The following RANBP2 variants were observed in gnomAD, a reference collection of about 807,000 sequenced individuals.
RANBP2 encodes the protein E3 SUMO-protein ligase RanBP2.
Under a neutral mutation model 303.6 loss-of-function variants are expected in RANBP2, and 57 were observed. The observed-to-expected ratio is 0.19, with a 90% CI of 0.15 to 0.23. RANBP2 has a LOEUF of 0.23. Ranked by LOEUF, RANBP2 falls within the 10% of genes least tolerant of loss-of-function variation. The probability of loss-of-function intolerance (pLI) is 1.00; values close to 1 mark genes in which losing one functional copy is unlikely to be tolerated. For synonymous variants in RANBP2, 1,167 were observed against 1,301.5 expected (o/e 0.90, Z 2.23); for missense variants, 3,138 against 3,780.8 (o/e 0.83, Z 4.46).
the RANBP2 span, among the ~76,000 whole-genome samples, chr2:109,089,106 C>T: frequency 3.3e-5 from 5 of 152,092 alleles, no homozygotes; most frequent in African/African-American, 9.7e-5. Flanking sequence ...GAACAGGAAG[C>T]CCCACAGGAG....
the RANBP2 span, chr2:109,436,780 G>A: frequency 6.9e-7 from 1 of 1,452,362 alleles, no homozygotes; most frequent in East Asian, 2.5e-5. Flanking sequence ...CCCCAGATCA[G>A]TTGGCCTTCA....
chr2:108,910,905 GA>G, the RANBP2 span: 1 of 1,613,968 alleles, frequency 6.2e-7, no homozygotes, highest in South Asian at 1.1e-5. Flanking sequence ...GGAGTTGACG[GA>G]GAGTCCAGGA....
At chr2:108,915,823 G>C in the RANBP2 span, among the ~76,000 whole-genome samples, 1 of 152,108 alleles carries the variant, frequency 6.6e-6, no homozygotes, top group Non-Finnish European at 1.5e-5. Flanking sequence ...CTGGAACCCG[G>C]GAGGCGGAGG....
the RANBP2 span, among the ~76,000 whole-genome samples, chr2:108,804,150 C>G: frequency 6.6e-6 from 1 of 151,996 alleles, no homozygotes; most frequent in African/African-American, 2.4e-5. Flanking sequence ...GTATTTATAT[C>G]ACTACTTGGA....
the RANBP2 span, among the ~76,000 whole-genome samples, chr2:109,204,526 A>G: frequency 6.6e-6 from 1 of 152,176 alleles, no homozygotes; most frequent in Admixed American, 6.6e-5. Context: ...CATTGTACAT[A>G]TATTTGTGTG....
chr2:108,930,124 T>C, the RANBP2 span: 2 of 1,613,398 alleles, frequency 1.2e-6, no homozygotes, highest in Admixed American at 3.3e-5. Context: ...CCTTACCAGG[T>C]AGGGCTCCTC....
chr2:109,209,597 A>T, the RANBP2 span, among the ~76,000 whole-genome samples: 36 of 152,232 alleles, frequency 2.4e-4, no homozygotes, highest in East Asian at 7.0e-3. Flanking sequence ...TGAGTTTCCT[A>T]TCCACTCCCT....
chr2:109,322,522 T>C, the RANBP2 span, among the ~76,000 whole-genome samples: 3 of 152,342 alleles, frequency 2.0e-5, no homozygotes, highest in Middle Eastern at 3.4e-3. Context: ...TATAAATAAT[T>C]TCACAAATAG....
At chr2:109,373,922 G>T in the RANBP2 span, among the ~76,000 whole-genome samples, 1 of 152,102 alleles carries the variant, frequency 6.6e-6, no homozygotes, top group African/African-American at 2.4e-5. Flanking sequence ...GCAAGCAGGT[G>T]CAGGCCCGAG....
At chr2:109,563,713 T>C in the RANBP2 span, among the ~76,000 whole-genome samples, 9 of 152,332 alleles carry the variant, frequency 5.9e-5, no homozygotes, top group Admixed American at 1.3e-4. Context: ...CAATCTAATC[T>C]CCAACTCCCT....
chr2:108,772,516 A>C lies in RANBP2; in HGVS notation c.8048A>C (p.Lys2683Thr), dbSNP rs1278755281. 1.9e-6 allele frequency: 3 copies of C among 1,613,774 alleles called. No homozygotes were observed. In the South Asian group the frequency reaches 3.3e-5, roughly 18 times the overall value. Residue 2683 changes from lysine (K) to threonine (T), a missense_variant, in exon 22 of 29, where the codon AAA becomes ACA. This residue lies in a region of RANBP2 where 497 missense variants were observed against 465.8 expected (regional missense o/e 1.07). Transcript: ENST00000283195. ...DDEDFETAVK[K>T]LNGKLYLDGS... Reference sequence around the variant, plus strand: ...GAAGATTTCGAAACAGCTGTCAAGAAACTTAATGGAAAACTATATTTGGAT... The same window carrying C: ...GAAGATTTCGAAACAGCTGTCAAGACACTTAATGGAAAACTATATTTGGAT...
chr2:108,814,464 G>A, the RANBP2 span, among the ~76,000 whole-genome samples: 1 of 151,890 alleles, frequency 6.6e-6, no homozygotes, highest in Non-Finnish European at 1.5e-5. Flanking sequence ...CATCTAAAGG[G>A]AGTTAGTTTC....
chr2:108,940,713 G>A, the RANBP2 span, among the ~76,000 whole-genome samples: 13 of 152,242 alleles, frequency 8.5e-5, no homozygotes, highest in South Asian at 4.1e-4. Flanking sequence ...ACGCGATGAC[G>A]TGGGTCTGAA....
At chr2:108,903,016 A>C in the RANBP2 span, among the ~76,000 whole-genome samples, 1 of 152,340 alleles carries the variant, frequency 6.6e-6, no homozygotes, top group East Asian at 1.9e-4. Context: ...ATCTACAAGA[A>C]AACTCCCAGA....
chr2:109,203,407 C>T, the RANBP2 span, among the ~76,000 whole-genome samples: 17 of 152,312 alleles, frequency 1.1e-4, no homozygotes, highest in Admixed American at 2.0e-4. Flanking sequence ...CGCGTCCCTA[C>T]GAGCGCATCA....
the RANBP2 span, chr2:108,873,513 C>G: frequency 1.2e-6 from 2 of 1,612,496 alleles, no homozygotes; most frequent in East Asian, 4.5e-5. Context: ...TTGCTCTGTG[C>G]TGCTTCGAGC....
the RANBP2 span, among the ~76,000 whole-genome samples, chr2:109,647,593 CT>C: frequency 0.13 from 19,931 of 152,050 alleles, 1,977 homozygotes; most frequent in East Asian, 0.43. Flanking sequence ...CCCAGCCTCC[CT>C]AGTAGCCGGG....
the RANBP2 span, among the ~76,000 whole-genome samples, chr2:109,607,245 A>G: frequency 6.6e-6 from 1 of 152,228 alleles, no homozygotes; most frequent in Non-Finnish European, 1.5e-5. Flanking sequence ...TACAGTCTCC[A>G]TAGAAACAAT....
the RANBP2 span, among the ~76,000 whole-genome samples, chr2:109,551,187 C>CA: frequency 6.6e-6 from 1 of 152,194 alleles, no homozygotes; most frequent in Non-Finnish European, 1.5e-5. Context: ...CTAATGTTCA[C>CA]ACACTATTAT....
Sources: allele counts gnomAD v4.1 joint callset (sites outside exome capture counted in the v4.1 genomes callset), GRCh38; gene constraint gnomAD v4.1.1; regional missense constraint gnomAD v4.1.1; transcripts MANE v1.5; gene names NCBI Gene and HGNC (gene_info 2026-07-23, HGNC 2026-07-21).